The following PPP2R5C variants were observed in gnomAD, a reference collection of about 807,000 sequenced individuals.
PPP2R5C encodes the protein protein phosphatase 2 regulatory subunit B'gamma, also known as serine/threonine-protein phosphatase 2A 56 kDa regulatory subunit gamma isoform.
Under a neutral mutation model 68.9 loss-of-function variants are expected in PPP2R5C, and 7 were observed. That is an observed-to-expected ratio of 0.10 (90% CI 0.06 to 0.19). The LOEUF (loss-of-function observed/expected upper bound fraction) is 0.19, where lower values mean the gene tolerates loss of function less well. Ranked by LOEUF, PPP2R5C falls within the 10% of genes least tolerant of loss-of-function variation. The probability of loss-of-function intolerance (pLI) is 1.00; values close to 1 mark genes in which losing one functional copy is unlikely to be tolerated. For missense variants in PPP2R5C, 348 were observed against 641.3 expected (o/e 0.54, Z 4.94); for synonymous variants, 210 against 222.2 (o/e 0.95, Z 0.49).
At chr14:101,803,066 C>T (rs531967963) in intron 3 of PPP2R5C, among the ~76,000 whole-genome samples, 2 of 149,320 alleles carry the variant, frequency 1.3e-5, no homozygotes, top group South Asian at 4.4e-4. Context: ...AATACAAAAA[C>T]TAGCTGGTTG....
chr14:101,762,508 CG>C (rs748569673), intron 1 of PPP2R5C, among the ~76,000 whole-genome samples: 18 of 151,060 alleles, frequency 1.2e-4, no homozygotes, highest in South Asian at 4.2e-4. Flanking sequence ...CGTTTGCATT[CG>C]GGGGGGCGGG....
chr14:101,864,848 C>T (rs529137990), intron 2 of PPP2R5C, among the ~76,000 whole-genome samples: 19 of 152,202 alleles, frequency 1.2e-4, no homozygotes, highest in Non-Finnish European at 2.6e-4. Context: ...GCTGGGACCA[C>T]CCCGTTTGCT....
At chr14:101,769,347 A>G (rs2037031023) in intron 2 of PPP2R5C, among the ~76,000 whole-genome samples, 1 of 152,216 alleles carries the variant, frequency 6.6e-6, no homozygotes, top group Admixed American at 6.5e-5. Context: ...CCTTGAAGGC[A>G]TCAGTTGAGC....
rs1390903028 is a variant in PPP2R5C at position 101,888,261 on chromosome 14, A to G, written c.630-1976A>G. Among the ~76,000 whole-genome samples, 1 of 152,174 alleles carries G rather than the reference A, an allele frequency of 6.6e-6. No individual in the cohort carries two copies. The highest frequency in any genetic ancestry group is 1.9e-4 in the East Asian group (1 of 5,162). ...AACTGAAGCCACACGGCTGCCGTGT[A>G]TGCAAAGGGAGCCTGCAGGGTGAGT... On this transcript the variant is annotated intron_variant, in intron 5 of 13. Coordinates refer to ENST00000334743, the Ensembl canonical transcript of PPP2R5C. This position sits in a 1 kb window ranked among gnomAD's most constrained non-coding sequence, Gnocchi z 5.6.
chr14:101,905,514 G>A (rs928268270), intron 9 of PPP2R5C, among the ~76,000 whole-genome samples: 4 of 151,436 alleles, frequency 2.6e-5, no homozygotes, highest in Admixed American at 1.3e-4. Flanking sequence ...CAAAAAAGCC[G>A]GGTGTGGTGG....
At chr14:101,785,433 C>T (rs769651974) in intron 2 of PPP2R5C, among the ~76,000 whole-genome samples, 2 of 152,138 alleles carry the variant, frequency 1.3e-5, no homozygotes, top group Non-Finnish European at 1.5e-5. Context: ...CAGCCTTTCC[C>T]ACCTTCTAGA....
intron 1 of PPP2R5C, among the ~76,000 whole-genome samples, chr14:101,837,973 C>A (rs1457443858): frequency 1.3e-5 from 2 of 152,164 alleles, no homozygotes; most frequent in Non-Finnish European, 2.9e-5. Flanking sequence ...TTCTCATGTG[C>A]AGAACCACCA....
chr14:101,817,848 C>T (rs534201595), intron 1 of PPP2R5C, among the ~76,000 whole-genome samples: 5 of 152,248 alleles, frequency 3.3e-5, no homozygotes, highest in Admixed American at 1.3e-4. Flanking sequence ...CTTAAAATGG[C>T]GCCTGGAGTG....
chr14:101,761,769 G>GACT, upstream of PPP2R5C: 1 of 968,654 alleles, frequency 1.0e-6, no homozygotes, highest in Non-Finnish European at 1.2e-6. Flanking sequence ...GCAAGCGAAA[G>GACT]ACTCAGTCCC....
In PPP2R5C at chr14:101,882,995, T is replaced by C. The variant is rs1595462298; in HGVS notation, c.406-262T>C. ...TGTGCCCTGTAGTCCCTGAACAGTGTACTATAACTGATGACATCAGCCATG... is the reference window on the plus strand; with the variant it reads ...TGTGCCCTGTAGTCCCTGAACAGTGCACTATAACTGATGACATCAGCCATG... On this transcript the variant is annotated intron_variant, in intron 3 of 13. Coordinates refer to ENST00000334743, the Ensembl canonical transcript of PPP2R5C. This position sits in a 1 kb window ranked among gnomAD's most constrained non-coding sequence, Gnocchi z 4.9. 1 of 392,380 alleles carries C rather than the reference T, an allele frequency of 2.5e-6. No homozygotes were observed. Among genetic ancestry groups the C allele is most frequent in the East Asian group, 5.9e-5 (1 of 16,914 alleles). 24.3% of individuals were successfully genotyped at this position (392,380 alleles called of 1,614,324 possible).
chr14:101,782,107 CCT>C (rs1175308162), intron 2 of PPP2R5C, among the ~76,000 whole-genome samples: 2 of 82,910 alleles, frequency 2.4e-5, no homozygotes, highest in Admixed American at 1.0e-4. Flanking sequence ...TCCCCTCCCC[CCT>C]CCCCCTCCCC....
chr14:101,771,780 G>A (rs1371291001), intron 2 of PPP2R5C, among the ~76,000 whole-genome samples: 2 of 152,096 alleles, frequency 1.3e-5, no homozygotes, highest in African/African-American at 2.4e-5. Context: ...ATACCCTGCA[G>A]CCTGCAGGTG....
intron 1 of PPP2R5C, among the ~76,000 whole-genome samples, chr14:101,833,955 C>T (rs1409406128): frequency 1.3e-5 from 2 of 152,184 alleles, no homozygotes; most frequent in Non-Finnish European, 2.9e-5. Context: ...GCACCCGCCA[C>T]CTGCCACCAC....
chr14:101,860,777 G>A (rs151087131), intron 2 of PPP2R5C, among the ~76,000 whole-genome samples: 411 of 152,306 alleles, frequency 2.7e-3, no homozygotes, highest in South Asian at 6.8e-3. Flanking sequence ...AACCAGTTGT[G>A]TTGAGCATCT....
rs2037684152 is a variant in PPP2R5C, at chr14:101,781,461, C to A, written c.94-4557C>A. On this transcript the variant is annotated intron_variant, in intron 2 of 14. Coordinates refer to the PPP2R5C transcript ENST00000328724. This position sits in a 1 kb window ranked among gnomAD's most constrained non-coding sequence, Gnocchi z 6.4. ...CACTCCTGTTGTCGCTGCAGACCCG[C>A]GTGGGCTCCCGCCGGGCCCTCCTGC... Among the ~76,000 whole-genome samples, 1 of 152,116 alleles carries A rather than the reference C, an allele frequency of 6.6e-6. No individual in the cohort carries two copies. Among genetic ancestry groups the A allele is most frequent in the Non-Finnish European group, 1.5e-5 (1 of 67,988 alleles).
At chr14:101,823,815 T>A in intron 1 of PPP2R5C, 2 of 1,158,802 alleles carry the variant, frequency 1.7e-6, no homozygotes, top group East Asian at 1.2e-4. Flanking sequence ...CACAGGGATC[T>A]ATCTACACGG....
In PPP2R5C at chr14:101,903,015, GTT is replaced by G. The variant is rs72219666; in HGVS notation, c.1023+1143_1023+1144del. Reference sequence around the variant, plus strand: ...CTAAGAAAGGAAAATTATGTTTTGGGTTTTTTTTTTTTTTTTTTCATCAATCC... The same window carrying G: ...CTAAGAAAGGAAAATTATGTTTTGGGTTTTTTTTTTTTTTTTCATCAATCC... On this transcript the variant is annotated intron_variant, in intron 9 of 13. Transcript: ENST00000334743. 4.8e-3 allele frequency among the ~76,000 whole-genome samples: 627 copies of G among 130,686 alleles called. 8 individuals carry two copies. The South Asian group carries it at 0.067, about 14-fold the overall frequency. 85.7% of individuals were successfully genotyped at this position (130,686 alleles called of 152,430 possible). A position where few individuals can be genotyped will look rare whatever the true frequency, so the allele number is the denominator to read the frequency against.
Position 101,786,002 on chromosome 14 carries a change from G to C in PPP2R5C, c.94-16G>C. ...CCATTGTACATATTCATTTGTTTTT[G>C]TTTTTGTTTTGGAAGCAAATTTCCG... On this transcript the variant is annotated splice_polypyrimidine_tract_variant and intron_variant, in intron 2 of 14. Coordinates refer to the PPP2R5C transcript ENST00000328724. 1.3e-6 allele frequency: 2 copies of C among 1,517,320 alleles called. No homozygotes were observed. Among genetic ancestry groups the C allele is most frequent in the Non-Finnish European group, 1.8e-6 (2 of 1,136,256 alleles). The allele number at this position is 1,517,320 out of a possible 1,614,324, so 94.0% of individuals were successfully genotyped here.
At chr14:101,866,648 G>A (rs1183496652) in intron 2 of PPP2R5C, among the ~76,000 whole-genome samples, 1 of 151,674 alleles carries the variant, frequency 6.6e-6, no homozygotes, top group Non-Finnish European at 1.5e-5. Flanking sequence ...CCAACCTGAC[G>A]GACAGAGCAA....
Sources: gnomAD v4.1 joint callset for allele counts (sites outside exome capture counted in the v4.1 genomes callset) on GRCh38, gnomAD v4.1.1 for gene constraint, Gnocchi (gnomAD v3.1) non-coding constraint, MANE v1.5 for transcripts, NCBI Gene and HGNC (gene_info 2026-07-23, HGNC 2026-07-21) for gene names.